NAV1: variants seen among roughly 807,000 people sequenced by gnomAD.
NAV1 encodes pore membrane and/or filament interacting like protein 3.
In NAV1, 18 loss-of-function variants were observed where a neutral mutation model predicts 175.2. The observed-to-expected ratio is 0.10, with a 90% CI of 0.07 to 0.15. NAV1 has a LOEUF of 0.15. Among genes scored for constraint, NAV1 ranks in the 10% least tolerant of loss-of-function variants. NAV1 has a pLI of 1.00. For synonymous variants in NAV1, 897 were observed against 978.7 expected (o/e 0.92, Z 1.56); for missense variants, 1,731 against 2,436.6 (o/e 0.71, Z 6.10).
intron 1 of NAV1, among the ~76,000 whole-genome samples, chr1:201,666,150 C>T (rs760651508): frequency 6.6e-6 from 1 of 152,036 alleles, no homozygotes; most frequent in African/African-American, 2.4e-5. Flanking sequence ...CTAATCGCTC[C>T]TTCCCCAGCA....
intron 15 of NAV1, 132 bp from the exon 20 acceptor site, chr1:201,803,461 C>CA: frequency 3.3e-6 from 3 of 904,668 alleles, no homozygotes; most frequent in Non-Finnish European, 4.9e-6. Context: ...ATGAATGATC[C>CA]AAAAAAATGA....
intron 1 of NAV1, among the ~76,000 whole-genome samples, chr1:201,660,108 T>C (rs773537642): frequency 2.6e-5 from 4 of 152,166 alleles, no homozygotes; most frequent in Non-Finnish European, 5.9e-5. Flanking sequence ...GTGGAGCATT[T>C]ACAGCATGGC....
chr1:201,671,974 C>T (rs1049908828), intron 1 of NAV1, among the ~76,000 whole-genome samples: 2 of 152,198 alleles, frequency 1.3e-5, no homozygotes, highest in East Asian at 3.8e-4. Context: ...GCATCCCGGC[C>T]TCTCTCCCAC....
chr1:201,645,546 TATA>T (rs927195360), upstream of NAV1, among the ~76,000 whole-genome samples: 5 of 151,868 alleles, frequency 3.3e-5, no homozygotes, highest in Non-Finnish European at 5.9e-5. Flanking sequence ...AAACTTAAAT[TATA>T]ATAATAATAA....
At chr1:201,628,406 G>A (rs1318439389) in intron 1 of NAV1, among the ~76,000 whole-genome samples, 1 of 152,138 alleles carries the variant, frequency 6.6e-6, no homozygotes, top group Non-Finnish European at 1.5e-5. Context: ...TTCACCCCAT[G>A]ATGGAAGCCG....
At chr1:201,616,606 G>T (rs1668008659) in intron 2 of NAV1, among the ~76,000 whole-genome samples, 1 of 152,074 alleles carries the variant, frequency 6.6e-6, no homozygotes, top group Non-Finnish European at 1.5e-5. Context: ...TCCTGCCTCA[G>T]CCTCCTGAGT....
chr1:201,737,822 C>T (rs1218274599), intron 3 of NAV1, among the ~76,000 whole-genome samples: 1 of 152,188 alleles, frequency 6.6e-6, no homozygotes, highest in African/African-American at 2.4e-5. Flanking sequence ...GATGACATTC[C>T]TTTGGCTGAG....
At position 201,611,236 on chromosome 1, in the gene NAV1, CTGAA is replaced by C. The variant is rs571760141; in HGVS notation, c.-32-11614_-32-11611del. 4.6e-5 allele frequency among the ~76,000 whole-genome samples: 7 copies of C among 152,334 alleles called. No individual in the cohort carries two copies. The South Asian group carries it at 1.4e-3, about 32-fold the overall frequency. ...ATTCTCTGCCAAGGACCAGGCCCAGCTGAATGGCCCCCAGCTGGTTTGCTGAAGC... is the reference window on the plus strand; with the variant it reads ...ATTCTCTGCCAAGGACCAGGCCCAGCTGGCCCCCAGCTGGTTTGCTGAAGC... On this transcript the variant is annotated intron_variant, in intron 2 of 33. Transcript: ENST00000685211.
At chr1:201,587,485 A>G (rs1667069694) in intron 1 of NAV1, among the ~76,000 whole-genome samples, 1 of 151,888 alleles carries the variant, frequency 6.6e-6, no homozygotes, top group Non-Finnish European at 1.5e-5. Context: ...CAGGAGGTTG[A>G]GACTATCCTG....
At chr1:201,667,074 A>C (rs1057135353) in intron 1 of NAV1, among the ~76,000 whole-genome samples, 1 of 75,622 alleles carries the variant, frequency 1.3e-5, no homozygotes, top group African/African-American at 5.0e-5. Flanking sequence ...CTCTGATTTT[A>C]ATGGCAAGCC....
At chr1:201,563,706 A>C (rs1666273214) in intron 1 of NAV1, among the ~76,000 whole-genome samples, 1 of 152,174 alleles carries the variant, frequency 6.6e-6, no homozygotes, top group Non-Finnish European at 1.5e-5. Flanking sequence ...GAATGAGGTA[A>C]CATGTGAAAG....
At chr1:201,603,316 T>C (rs762893554) in intron 2 of NAV1, among the ~76,000 whole-genome samples, 13 of 152,122 alleles carry the variant, frequency 8.5e-5, no homozygotes, top group Non-Finnish European at 1.8e-4. Flanking sequence ...TAAGTATCTC[T>C]TCTATGACTT....
chr1:201,597,859 G>A (rs571176981), intron 2 of NAV1, among the ~76,000 whole-genome samples: 24 of 152,338 alleles, frequency 1.6e-4, no homozygotes, highest in African/African-American at 5.5e-4. Flanking sequence ...TCCCCTGTGA[G>A]GTGTGCCATC....
upstream of NAV1, among the ~76,000 whole-genome samples, chr1:201,622,004 T>C (rs1668186281): frequency 6.6e-6 from 1 of 152,160 alleles, no homozygotes. Context: ...GAGAAGGGGA[T>C]AATTAATGAG....
chr1:201,697,973 A>G (rs1671257980), intron 1 of NAV1, among the ~76,000 whole-genome samples: 1 of 152,168 alleles, frequency 6.6e-6, no homozygotes, highest in South Asian at 2.1e-4. Context: ...CCAGACATTG[A>G]ATACCTTGCC....
In NAV1 at chr1:201,643,097, C is replaced by T. The variant is rs374176316; in HGVS notation, c.5-5537C>T. 7.4e-5 allele frequency among the ~76,000 whole-genome samples: 11 copies of T among 148,788 alleles called. No individual in the cohort carries two copies. In the South Asian group the frequency reaches 1.3e-3, roughly 17 times the overall value. On this transcript the variant is annotated intron_variant, in intron 2 of 29. Coordinates refer to the NAV1 transcript ENST00000367302. ...CCTCTTTCTCTCTTTCTTTCTTTTT[C>T]TCTTTCTTTCTTTCTTTCTTCCTTC...
intron 1 of NAV1, among the ~76,000 whole-genome samples, chr1:201,581,969 G>A (rs1041904738): frequency 2.6e-5 from 4 of 152,296 alleles, no homozygotes; most frequent in South Asian, 2.1e-4. Context: ...GGTGGCGGGC[G>A]CCTGTAGTCC....
chr1:201,638,758 C>T (rs12240135), intron 2 of NAV1, among the ~76,000 whole-genome samples: 45,086 of 152,152 alleles, frequency 0.3, 7,362 homozygotes, highest in African/African-American at 0.42. Flanking sequence ...AAGATAATGA[C>T]AGCCCCTGCT....
intron 1 of NAV1, among the ~76,000 whole-genome samples, chr1:201,688,916 A>G (rs1476471463): frequency 2.6e-5 from 4 of 152,226 alleles, no homozygotes; most frequent in African/African-American, 9.6e-5. Context: ...CTAGGTTACT[A>G]GACGTGTTGC....
Sources: allele counts gnomAD v4.1 joint callset (sites outside exome capture counted in the v4.1 genomes callset), GRCh38; gene constraint gnomAD v4.1.1; transcripts MANE v1.5; gene names NCBI Gene and HGNC (gene_info 2026-07-23, HGNC 2026-07-21).